Variants in SPTBN5 observed in about 807,000 individuals in gnomAD.
SPTBN5 encodes the protein spectrin beta, non-erythrocytic 5, also known as spectrin beta chain, non-erythrocytic 5.
A neutral mutation model predicts 477.6 loss-of-function variants in SPTBN5; 513 were observed. The observed-to-expected ratio is 1.07, with a 90% CI of 1.00 to 1.16. The LOEUF is 1.16. Ranked by LOEUF, SPTBN5 falls within the 50% of genes most tolerant of loss-of-function variation. The pLI is 0.00. For synonymous variants in SPTBN5, 2,169 were observed against 2,011.7 expected (o/e 1.08, Z -2.09); for missense variants, 5,062 against 4,731.8 (o/e 1.07, Z -2.05).
At chr15:41,878,688 A>T in intron 16 of SPTBN5, 59 bp from the exon 17 acceptor site, 1 of 1,522,762 alleles carries the variant, frequency 6.6e-7, no homozygotes, top group South Asian at 1.2e-5. Flanking sequence ...TGCCCCAGGC[A>T]CATGTCCTCT....
chr15:41,859,782 C>T (rs982291071), intron 47 of SPTBN5, among the ~76,000 whole-genome samples: 7 of 152,152 alleles, frequency 4.6e-5, no homozygotes, highest in Non-Finnish European at 8.8e-5. Context: ...ATTCAAAGAC[C>T]TCCACAGGTA....
Position 41,862,605 on chromosome 15 carries a change from C to G in SPTBN5, c.7319G>C (p.Gly2440Ala), listed in dbSNP as rs756132712. ...CACCTCCTGCTGCCTGTGCCTGAGG[C>G]CGTGGGCTGCCTCGGGGCTTCTTTG... ...LCQRSPEAAHGLRHRQQEVAE... is the reference protein window; with the variant it reads ...LCQRSPEAAHALRHRQQEVAE... The change falls in exon 43 of 68, where the codon GGC becomes GCC. Residue 2440 changes from glycine (G) to alanine (A), a missense_variant. Gly to Ala is a moderately conservative substitution (Grantham distance 60). Coordinates refer to ENST00000320955, the MANE Select transcript of SPTBN5 (RefSeq NM_016642.4). The G allele has an allele frequency of 3.2e-6, 5 of 1,558,584 alleles. No homozygotes were observed. The highest frequency in any genetic ancestry group is 4.3e-6 in the Non-Finnish European group (5 of 1,152,516).
At chr15:41,872,928 C>T (rs1221326459) in intron 26 of SPTBN5, among the ~76,000 whole-genome samples, 3 of 152,178 alleles carry the variant, frequency 2.0e-5, no homozygotes, top group Non-Finnish European at 4.4e-5. Context: ...AGGAAACATG[C>T]CCAGACAGGA....
chr15:41,848,831 TAACCC>T (rs1231826101), intron 67 of SPTBN5, among the ~76,000 whole-genome samples: 1 of 152,170 alleles, frequency 6.6e-6, no homozygotes, highest in East Asian at 1.9e-4. Context: ...TCGACTTTCA[TAACCC>T]AACTCTACGT....
chr15:41,851,003 C>T lies in SPTBN5; in HGVS notation c.10835+56G>A, dbSNP rs2065737829. On this transcript the variant is annotated intron_variant, in intron 65 of 67. Coordinates refer to ENST00000320955, the MANE Select transcript of SPTBN5 (RefSeq NM_016642.4). ...TTGGGGACCCCCACGCCTCCAGCCC[C>T]CGCTGAGCCAGGTGGCTGCTGGGGG... 5.7e-6 allele frequency: 9 copies of T among 1,591,764 alleles called. No individual in the cohort carries two copies. The South Asian group carries it at 6.8e-5, about 12-fold the overall frequency.
At chr15:41,876,327 T>TG (rs1462576224) in intron 20 of SPTBN5, 43 bp from the exon 21 acceptor site, 1 of 1,498,520 alleles carries the variant, frequency 6.7e-7, no homozygotes, top group South Asian at 1.3e-5. Context: ...GCACGGTGGG[T>TG]GGGGGCTGGT....
At chr15:41,868,680 G>A in intron 32 of SPTBN5, 79 bp from the exon 33 acceptor site, 1 of 1,448,130 alleles carries the variant, frequency 6.9e-7, no homozygotes, top group Non-Finnish European at 9.5e-7. Flanking sequence ...GGCAACTGCA[G>A]CCCACCTGAG....
rs2065843405 is a variant in SPTBN5, at chr15:41,853,566, G to A, written c.9980+16C>T. ...ACAGGGTAGAGCTGAGCCGGCAGCT[G>A]AGGTAGGACACCTACAGCAGTTCCT... On this transcript the variant is annotated intron_variant, in intron 58 of 67. Coordinates refer to ENST00000320955, the MANE Select transcript of SPTBN5 (RefSeq NM_016642.4). 6.4e-7 allele frequency: 1 copy of A among 1,559,182 alleles called. No individual in the cohort carries two copies. Among genetic ancestry groups the A allele is most frequent in the Admixed American group, 1.8e-5 (1 of 56,400 alleles).
intron 66 of SPTBN5, 82 bp downstream of exon 66, chr15:41,850,772 G>A (rs2065725611): frequency 5.8e-6 from 7 of 1,211,552 alleles, no homozygotes; most frequent in Non-Finnish European, 8.0e-6. Context: ...AACCTCCCTA[G>A]GATGCATAAA....
chr15:41,878,045 G>A (rs1175392643), intron 17 of SPTBN5, among the ~76,000 whole-genome samples: 1 of 152,212 alleles, frequency 6.6e-6, no homozygotes, highest in Non-Finnish European at 1.5e-5. Context: ...CGCCCTGACT[G>A]AAAGCAATGC....
intron 47 of SPTBN5, 31 bp downstream of exon 47, chr15:41,860,555 A>G: frequency 7.3e-7 from 1 of 1,362,794 alleles, no homozygotes; most frequent in East Asian, 3.0e-5. Context: ...CAGCCTGCCC[A>G]CAGCACCCCT....
chr15:41,893,361 C>T lies in SPTBN5; in HGVS notation c.137G>A (p.Arg46His), dbSNP rs771899287. 3.7e-5 allele frequency: 60 copies of T among 1,613,864 alleles called. No homozygotes were observed. In the South Asian group the frequency reaches 4.0e-4, roughly 11 times the overall value. Reference protein sequence around the residue: ...MDSQYETGHIRKLQARHMQMQ... With the variant: ...MDSQYETGHIHKLQARHMQMQ... The stretch of plus-strand genomic sequence containing the variant: ...CTGCATGTGCCGGGCCTGTAGCTTG[C>T]GAATGTGGCCCGTCTCGTACTGAGA... Residue 46 changes from arginine (R) to histidine (H), a missense_variant, in exon 2 of 68, where the codon CGC (arginine) becomes CAC (histidine). By Grantham distance (29) the Arg-to-His change is conservative (BLOSUM62 0). Coordinates refer to ENST00000320955, the MANE Select transcript of SPTBN5 (RefSeq NM_016642.4).
chr15:41,867,508 G>C, intron 35 of SPTBN5, 30 bp downstream of exon 35: 1 of 1,603,524 alleles, frequency 6.2e-7, no homozygotes, highest in African/African-American at 1.3e-5. Context: ...ACCACACTCT[G>C]ACCACGCCCA....
At position 41,872,319 on chromosome 15, in the gene SPTBN5, C is replaced by T. The variant is rs1428735998; in HGVS notation, c.5148G>A (p.Gln1716=). 1 of 1,610,976 alleles carries T rather than the reference C, an allele frequency of 6.2e-7. No individual in the cohort carries two copies. The highest frequency in any genetic ancestry group is 1.1e-5 in the South Asian group (1 of 90,902). The part of the protein sequence containing the change: ...ERLREQLRAL[Q]ELAATRDREL... ...GTCCTCACCGTGTGGCCGCCAACTC[C>T]TGCAGTGCCCGCAGCTGCTCCCGGA... The change falls in exon 27 of 68, where the codon CAG becomes CAA. Residue 1716 remains glutamine, a synonymous_variant. Coordinates refer to ENST00000320955, the MANE Select transcript of SPTBN5 (RefSeq NM_016642.4).
In SPTBN5 at chr15:41,868,057, G is replaced by A. The variant is rs769551762; in HGVS notation, c.6207+12C>T. The A allele has an allele frequency of 8.1e-6, 13 of 1,595,488 alleles. No individual in the cohort carries two copies. The African/African-American group carries it at 1.5e-4, about 18-fold the overall frequency. ...GAGGCTGAGCGGAGTGTGAGGGCGG[G>A]AGGGGACCTGCCTCCTGGGCCGCGA... On this transcript the variant is annotated intron_variant, in intron 34 of 67. Transcript: ENST00000320955.
chr15:41,862,047 C>T, intron 44 of SPTBN5, 83 bp downstream of exon 44: 1 of 1,503,012 alleles, frequency 6.7e-7, no homozygotes. Context: ...ACTCAGGAGG[C>T]CCAAGAGCAA....
In SPTBN5 at chr15:41,867,109, C is replaced by T; in HGVS notation, c.6330G>A (p.Glu2110=). The change falls in exon 36 of 68, where the codon GAG becomes GAA. Residue 2110 remains glutamate (E), a synonymous_variant. Coordinates refer to ENST00000320955, the MANE Select transcript of SPTBN5 (RefSeq NM_016642.4). ...AQDKKEAALR[E]RLKTLRRPRV... is the part of the protein sequence containing the mutation. ...GGGGGCGCCGGAGCGTCTTCAGCCG[C>T]TCACGCAGGGCTGCCTCCTGTGGGG... 6.5e-7 allele frequency: 1 copy of T among 1,538,302 alleles called. No homozygotes were observed. Among genetic ancestry groups the T allele is most frequent in the Non-Finnish European group, 8.7e-7 (1 of 1,145,208 alleles).
rs780738391 is a variant in SPTBN5 at position 41,883,119 on chromosome 15, C to G, written c.1769G>C (p.Ser590Thr). The change falls in exon 9 of 68, where the codon AGC (serine) becomes ACC (threonine). Residue 590 changes from serine (S) to threonine (T), a missense_variant. By Grantham distance (58) the Ser-to-Thr change is moderately conservative (BLOSUM62 1). Transcript: ENST00000320955. Reference sequence around the variant, plus strand: ...CTCTGCTGTCTGCTGAGCAAGATGGCTCACATGGGCTCCGTGGGCCGAGAC... The same window carrying G: ...CTCTGCTGTCTGCTGAGCAAGATGGGTCACATGGGCTCCGTGGGCCGAGAC... ...AQVSAHGAHV[S>T]HLAQQTAELD... is the part of the protein sequence containing the mutation. 6 of 1,612,100 alleles carry G rather than the reference C, an allele frequency of 3.7e-6. No individual in the cohort carries two copies. The highest frequency in any genetic ancestry group is 4.2e-6 in the Non-Finnish European group (5 of 1,179,488).
chr15:41,851,128 A>G lies in SPTBN5; in HGVS notation c.10766T>C (p.Leu3589Pro). 2 of 1,613,292 alleles carry G rather than the reference A, an allele frequency of 1.2e-6. No homozygotes were observed. Among genetic ancestry groups the G allele is most frequent in the South Asian group, 1.1e-5 (1 of 91,006 alleles). The change falls in exon 65 of 68, where the codon CTT (leucine) becomes CCT (proline). Residue 3589 changes from leucine to proline, a missense_variant. By Grantham distance (98) the Leu-to-Pro change is moderately conservative. Coordinates refer to ENST00000320955, the MANE Select transcript of SPTBN5 (RefSeq NM_016642.4). ...CTCACACCGGGCTCCCGTGAGGTCA[A>G]GGAGGGCTATGGAAGCTACTTTCTG... is the stretch of plus-strand genomic sequence containing the variant. ...AAEKVASIAL[L>P]DLTGARCERL...
Sources: gnomAD v4.1 joint callset for allele counts (sites outside exome capture counted in the v4.1 genomes callset) on GRCh38, gnomAD v4.1.1 for gene constraint, MANE v1.5 for transcripts, NCBI Gene and HGNC (gene_info 2026-07-23, HGNC 2026-07-21) for gene names.